Variants in DDC observed in about 807,000 individuals in gnomAD.
The protein encoded by DDC is dopa decarboxylase.
Under a neutral mutation model 60.0 loss-of-function variants are expected in DDC, and 43 were observed. That is an observed-to-expected ratio of 0.72 (90% CI 0.56 to 0.92). The LOEUF (loss-of-function observed/expected upper bound fraction) is 0.92, where lower values mean the gene tolerates loss of function less well. Ranked by LOEUF, DDC falls within the 40% of genes least tolerant of loss-of-function variation. DDC has a pLI of 0.00. For missense variants in DDC, 573 were observed against 620.2 expected (o/e 0.92, Z 0.81); for synonymous variants, 232 against 234.6 (o/e 0.99, Z 0.10).
intron 13 of DDC, 29 bp from the exon 14 acceptor site, chr7:50,463,460 C>T (rs1219743895): frequency 3.7e-6 from 6 of 1,600,298 alleles, no homozygotes; most frequent in South Asian, 3.3e-5. Flanking sequence ...AGGAACTGTG[C>T]TCAGGTCTCT....
chr7:50,484,798 T>A (rs1206411282), intron 9 of DDC, among the ~76,000 whole-genome samples: 1 of 152,120 alleles, frequency 6.6e-6, no homozygotes, highest in Non-Finnish European at 1.5e-5. Flanking sequence ...GACCCTTGTG[T>A]TGGGTTGAAA....
At chr7:50,492,979 C>G (rs760944117) in intron 9 of DDC, 1 of 1,598,190 alleles carries the variant, frequency 6.3e-7, no homozygotes, top group African/African-American at 1.3e-5. Flanking sequence ...TTTCTTCAGC[C>G]TTAACATACG....
At chr7:50,459,209 T>C (rs960497866) in intron 14 of DDC, among the ~76,000 whole-genome samples, 2 of 152,244 alleles carry the variant, frequency 1.3e-5, no homozygotes, top group Admixed American at 6.5e-5. Context: ...TCCGCCAGCC[T>C]CGGCCTCCCG....
chr7:50,549,400 C>A (rs113900792), intron 1 of DDC, among the ~76,000 whole-genome samples: 1,529 of 152,246 alleles, frequency 0.01, 23 homozygotes, highest in African/African-American at 0.035. Context: ...CTCCTGTAAT[C>A]CCAGCACTTT....
chr7:50,543,227 C>A, intron 2 of DDC: 1 of 157,422 alleles, frequency 6.4e-6, no homozygotes, highest in Admixed American at 6.0e-5. Context: ...AACCAACAGG[C>A]TTTTAGGTGA....
chr7:50,492,561 A>T, intron 9 of DDC: 1 of 421,496 alleles, frequency 2.4e-6, no homozygotes, highest in Non-Finnish European at 3.4e-6. Context: ...ACCCTGCCCC[A>T]CCACTGTCGC....
chr7:50,505,796 T>C (rs2153540921), intron 6 of DDC, among the ~76,000 whole-genome samples: 1 of 152,340 alleles, frequency 6.6e-6, no homozygotes, highest in East Asian at 1.9e-4. Flanking sequence ...CTGGAAGGGC[T>C]CTCTGTGTCA....
At chr7:50,549,599 G>A (rs934829262) in intron 1 of DDC, among the ~76,000 whole-genome samples, 10 of 150,666 alleles carry the variant, frequency 6.6e-5, no homozygotes, top group Non-Finnish European at 1.5e-4. Context: ...GCTTGCAGCA[G>A]TAAGCCAAGA....
intron 1 of DDC, among the ~76,000 whole-genome samples, chr7:50,554,077 C>T (rs1038598158): frequency 6.6e-6 from 1 of 152,216 alleles, no homozygotes; most frequent in Non-Finnish European, 1.5e-5. Context: ...TGGCCTCCAG[C>T]TACACCACCA....
At chr7:50,463,168 C>T in intron 14 of DDC, 45 bp downstream of exon 14, 3 of 1,505,522 alleles carry the variant, frequency 2.0e-6, no homozygotes, top group Non-Finnish European at 9.0e-7. Flanking sequence ...ACACTCTTGC[C>T]ACGGGACAAG....
intron 1 of DDC, among the ~76,000 whole-genome samples, chr7:50,558,448 C>T (rs1037464729): frequency 7.2e-5 from 11 of 152,154 alleles, no homozygotes; most frequent in Non-Finnish European, 1.0e-4. Context: ...CCTGGTGTTG[C>T]TAAGAAGCCT....
chr7:50,506,002 G>C (rs2043383112), intron 6 of DDC, among the ~76,000 whole-genome samples: 1 of 152,242 alleles, frequency 6.6e-6, no homozygotes, highest in Non-Finnish European at 1.5e-5. Context: ...GGATCAGTTG[G>C]GCAGCAGAGG....
intron 1 of DDC, among the ~76,000 whole-genome samples, chr7:50,548,119 G>T (rs2044866411): frequency 6.6e-6 from 1 of 152,186 alleles, no homozygotes; most frequent in Non-Finnish European, 1.5e-5. Flanking sequence ...TAATAAATTT[G>T]TGTCTGACTG....
Position 50,491,983 on chromosome 7 carries a change from A to G in DDC, c.944+3367T>C, listed in dbSNP as rs531238601. On this transcript the variant is annotated intron_variant, in intron 9 of 14. Transcript: ENST00000444124. ...CTGAATTGATTGAGACCTGTCTCAG[A>G]TACTTTTTGGTTAACAGGCCCTAAT... 5.9e-5 allele frequency among the ~76,000 whole-genome samples: 9 copies of G among 152,350 alleles called. No individual in the cohort carries two copies. The East Asian group carries it at 1.7e-3, about 29-fold the overall frequency.
intron 9 of DDC, among the ~76,000 whole-genome samples, chr7:50,486,952 G>C (rs1418717682): frequency 6.6e-6 from 1 of 151,986 alleles, no homozygotes; most frequent in Admixed American, 6.5e-5. Context: ...TCCCCTGCCT[G>C]CTCCTTTTCT....
intron 1 of DDC, among the ~76,000 whole-genome samples, chr7:50,549,268 G>A (rs530414072): frequency 1.3e-5 from 2 of 152,282 alleles, no homozygotes; most frequent in Admixed American, 6.5e-5. Flanking sequence ...TCATAAGGCT[G>A]CATCTGCCAT....
chr7:50,533,877 T>C (rs1253035181), intron 4 of DDC, among the ~76,000 whole-genome samples: 1 of 152,210 alleles, frequency 6.6e-6, no homozygotes, highest in African/African-American at 2.4e-5. Flanking sequence ...GGCTCACTGC[T>C]GGATCTGTCC....
At position 50,474,745 on chromosome 7, in the gene DDC, G is replaced by A. The variant is rs141913561; in HGVS notation, c.1041+1879C>T. ...TCCCAGAGGACTTGTTAGTCAATACGGAGTTTTTAGCAAAGCCTATGTTAT... is the reference window on the plus strand; with the variant it reads ...TCCCAGAGGACTTGTTAGTCAATACAGAGTTTTTAGCAAAGCCTATGTTAT... On this transcript the variant is annotated intron_variant, in intron 11 of 14. Coordinates refer to ENST00000444124, the MANE Select transcript of DDC (RefSeq NM_001082971.2). 3.3e-3 allele frequency among the ~76,000 whole-genome samples: 500 copies of A among 152,308 alleles called. 4 individuals are homozygous for A. The highest frequency in any genetic ancestry group is 7.7e-3 in the Admixed American group (118 of 15,298).
At chr7:50,487,558 G>A (rs2042912414) in intron 9 of DDC, among the ~76,000 whole-genome samples, 1 of 151,966 alleles carries the variant, frequency 6.6e-6, no homozygotes, top group Admixed American at 6.6e-5. Flanking sequence ...CATGGCTAGA[G>A]TTCTGAAGTA....
Sources: gnomAD v4.1 joint callset for allele counts (sites outside exome capture counted in the v4.1 genomes callset) on GRCh38, gnomAD v4.1.1 for gene constraint, MANE v1.5 for transcripts, NCBI Gene and HGNC (gene_info 2026-07-23, HGNC 2026-07-21) for gene names.